The following NEXMIF variants were observed in gnomAD, a reference collection of about 807,000 sequenced individuals.
NEXMIF encodes XLMR protein related to neurite extension.
A neutral mutation model predicts 62.1 loss-of-function variants in NEXMIF; 8 were observed. The observed-to-expected ratio is 0.13, with a 90% CI of 0.08 to 0.23. The LOEUF (loss-of-function observed/expected upper bound fraction) is 0.23, where lower values mean the gene tolerates loss of function less well. Ranked by LOEUF, NEXMIF falls within the 10% of genes least tolerant of loss-of-function variation. The pLI is 1.00. For missense variants in NEXMIF, 976 were observed against 1,113.3 expected, an observed-to-expected ratio of 0.88 and a Z score of 1.75; for synonymous variants, 404 against 416.6, an observed-to-expected ratio of 0.97 and a Z score of 0.37.
chrX:74,796,218 T>C (rs1398665911), intron 1 of NEXMIF, among the ~76,000 whole-genome samples: 2 of 70,202 alleles, frequency 2.8e-5, no homozygotes, highest in East Asian at 7.6e-4. Context: ...ATTATATATA[T>C]ATACATATAT....
At chrX:74,764,046 C>A (rs1243872245) in intron 1 of NEXMIF, among the ~76,000 whole-genome samples, 8 of 111,084 alleles carry the variant, frequency 7.2e-5, no homozygotes, top group East Asian at 5.7e-4. Flanking sequence ...GTCTTGTGCC[C>A]GTTTTCAAAG....
intron 1 of NEXMIF, among the ~76,000 whole-genome samples, chrX:74,795,747 G>C (rs1010712910): frequency 9.0e-6 from 1 of 111,525 alleles, no homozygotes; most frequent in African/African-American, 3.3e-5. Context: ...TGTGACAAAT[G>C]AATCTAACTG....
At chrX:74,827,014 C>T (rs1342072811) in intron 1 of NEXMIF, among the ~76,000 whole-genome samples, 1 of 111,886 alleles carries the variant, frequency 8.9e-6, no homozygotes, top group Non-Finnish European at 1.9e-5. Flanking sequence ...TAAGTCACAT[C>T]TTTGCCACTA....
chrX:74,915,525 A>C (rs2080803650), intron 1 of NEXMIF, among the ~76,000 whole-genome samples: 1 of 112,145 alleles, frequency 8.9e-6, no homozygotes, highest in African/African-American at 3.2e-5. Context: ...GAACCTGTGA[A>C]TATGTTAGGT....
chrX:74,907,778 A>C (rs1453190158), intron 1 of NEXMIF, among the ~76,000 whole-genome samples: 2 of 111,690 alleles, frequency 1.8e-5, no homozygotes, highest in Non-Finnish European at 3.8e-5. Flanking sequence ...CCTTAACATC[A>C]ATCTGTCGCC....
intron 1 of NEXMIF, among the ~76,000 whole-genome samples, chrX:74,812,113 C>CT (rs2080362316): frequency 8.9e-6 from 1 of 112,855 alleles, no homozygotes; most frequent in Non-Finnish European, 1.9e-5. Flanking sequence ...GAATTGGACT[C>CT]TGAGAATAAT....
chrX:74,754,303 TA>T (rs2080152854), intron 1 of NEXMIF, among the ~76,000 whole-genome samples: 2 of 103,833 alleles, frequency 1.9e-5, no homozygotes, highest in African/African-American at 3.4e-5. Flanking sequence ...TTTTTATTTT[TA>T]TTTTTTTATT....
chrX:74,850,211 C>T (rs1043684979), intron 1 of NEXMIF, among the ~76,000 whole-genome samples: 3 of 112,415 alleles, frequency 2.7e-5, no homozygotes, highest in Admixed American at 9.4e-5. Context: ...GCAGCTGACA[C>T]TCACCTGCAT....
At chrX:74,832,655 A>G (rs1444085347) in intron 1 of NEXMIF, among the ~76,000 whole-genome samples, 1 of 110,852 alleles carries the variant, frequency 9.0e-6, no homozygotes, top group East Asian at 2.8e-4. Context: ...TTTCCTTCTA[A>G]TTCTGGGTTT....
intron 1 of NEXMIF, among the ~76,000 whole-genome samples, chrX:74,850,444 C>T (rs769728087): frequency 1.8e-5 from 2 of 112,116 alleles, no homozygotes; most frequent in South Asian, 7.5e-4. Context: ...ACATTGTTGC[C>T]AGCCTATGTT....
chrX:74,857,911 G>A (rs868760272), intron 1 of NEXMIF, among the ~76,000 whole-genome samples: 1 of 112,226 alleles, frequency 8.9e-6, no homozygotes, highest in Admixed American at 9.4e-5. Flanking sequence ...AAGCCATGGA[G>A]TGAGTCTCTT....
At chrX:74,841,632 T>C (rs2080474249) in intron 1 of NEXMIF, among the ~76,000 whole-genome samples, 1 of 111,865 alleles carries the variant, frequency 8.9e-6, no homozygotes, top group Non-Finnish European at 1.9e-5. Flanking sequence ...AGATGGCTCT[T>C]ATTATTTTGA....
intron 1 of NEXMIF, among the ~76,000 whole-genome samples, chrX:74,805,913 T>G (rs1456214505): frequency 8.9e-6 from 1 of 111,825 alleles, no homozygotes; most frequent in African/African-American, 3.2e-5. Context: ...GTAGTATAGT[T>G]TGAAGTTGGG....
intron 1 of NEXMIF, among the ~76,000 whole-genome samples, chrX:74,804,203 ATTTG>A (rs2080338557): frequency 8.9e-6 from 1 of 112,636 alleles, no homozygotes; most frequent in Non-Finnish European, 1.9e-5. Context: ...CTTTTTGCTC[ATTTG>A]TTTGTTTATG....
chrX:74,749,210 C>T lies in NEXMIF; in HGVS notation c.-47-3513G>A, dbSNP rs369004146. 6.3e-5 allele frequency among the ~76,000 whole-genome samples: 7 copies of T among 110,939 alleles called. 1 individual carries two copies. The East Asian group carries it at 1.7e-3, about 27-fold the overall frequency. ...TAGAGAGGCGGGAGATTTGGGAAGG[C>T]TTCACTAAAAGCAGCAACATTAAGG... On this transcript the variant is annotated intron_variant, in intron 1 of 3. Coordinates refer to ENST00000055682, the MANE Select transcript of NEXMIF (RefSeq NM_001008537.3).
chrX:74,861,317 C>G (rs1160222368), intron 1 of NEXMIF, among the ~76,000 whole-genome samples: 1 of 111,679 alleles, frequency 9.0e-6, no homozygotes, highest in Non-Finnish European at 1.9e-5. Flanking sequence ...AAGGAATGAA[C>G]AAAACCTCTG....
chrX:74,887,329 A>C (rs1325337065), intron 1 of NEXMIF, among the ~76,000 whole-genome samples: 1 of 111,298 alleles, frequency 9.0e-6, no homozygotes, highest in Admixed American at 9.6e-5. Flanking sequence ...GAGCTTCTGC[A>C]CAGCAAAAGA....
chrX:74,819,075 A>C (rs2080385857), intron 1 of NEXMIF, among the ~76,000 whole-genome samples: 1 of 112,007 alleles, frequency 8.9e-6, no homozygotes, highest in Non-Finnish European at 1.9e-5. Flanking sequence ...CAAAAACAAG[A>C]AATGGGAAAA....
intron 1 of NEXMIF, among the ~76,000 whole-genome samples, chrX:74,841,611 G>C (rs974187043): frequency 9.0e-6 from 1 of 111,639 alleles, no homozygotes; most frequent in East Asian, 2.8e-4. Context: ...TGTTGGCTGT[G>C]GGACTGTCAT....
Sources: allele counts gnomAD v4.1 joint callset (sites outside exome capture counted in the v4.1 genomes callset), GRCh38; gene constraint gnomAD v4.1.1; transcripts MANE v1.5; gene names NCBI Gene and HGNC (gene_info 2026-07-23, HGNC 2026-07-21).